The following CDH12 variants were observed in gnomAD, a reference collection of about 807,000 sequenced individuals.
CDH12 encodes cadherin-12.
CDH12 carries 41 observed loss-of-function variants against 74.1 expected under a neutral mutation model. That is an observed-to-expected ratio of 0.55 (90% CI 0.43 to 0.72). The LOEUF is 0.72. Among genes scored for constraint, CDH12 ranks in the 30% least tolerant of loss-of-function variants. The probability of loss-of-function intolerance (pLI) is 0.00; values close to 1 mark genes in which losing one functional copy is unlikely to be tolerated. For missense variants in CDH12, 945 were observed against 977.2 expected, an observed-to-expected ratio of 0.97 and a Z score of 0.44; for synonymous variants, 399 against 355.0, an observed-to-expected ratio of 1.12 and a Z score of -1.39.
At chr5:22,471,757 T>A (rs952436901) in intron 2 of CDH12, among the ~76,000 whole-genome samples, 8 of 152,210 alleles carry the variant, frequency 5.3e-5, no homozygotes, top group African/African-American at 1.9e-4. Flanking sequence ...CACAAATCAG[T>A]GACTCCTATT....
At chr5:21,829,281 A>G (rs1473570039) in intron 8 of CDH12, among the ~76,000 whole-genome samples, 1 of 152,104 alleles carries the variant, frequency 6.6e-6, no homozygotes, top group East Asian at 1.9e-4. Flanking sequence ...AGCCTGGGTG[A>G]GAGAGAGAGA....
intron 8 of CDH12, among the ~76,000 whole-genome samples, chr5:21,832,549 A>G (rs1007723266): frequency 1.3e-5 from 2 of 151,528 alleles, no homozygotes; most frequent in East Asian, 3.9e-4. Context: ...AACAAGATAT[A>G]CCACTATATA....
rs141831561 is a variant in CDH12, at chr5:22,634,925, C to G, written c.-522-129561G>C. ...TTGTTATTGTTAAGATGACAATACT[C>G]CCCAAATTGAACCACATATTTAACA... On this transcript the variant is annotated intron_variant, in intron 1 of 14. Coordinates refer to ENST00000382254, the MANE Select transcript of CDH12 (RefSeq NM_004061.5). 3.6e-3 allele frequency among the ~76,000 whole-genome samples: 548 copies of G among 151,782 alleles called. 1 individual carries two copies. Among genetic ancestry groups the G allele is most frequent in the African/African-American group, 0.01 (421 of 41,408 alleles).
intron 1 of CDH12, among the ~76,000 whole-genome samples, chr5:22,827,827 G>A (rs376500597): frequency 6.6e-6 from 1 of 152,174 alleles, no homozygotes; most frequent in African/African-American, 2.4e-5. Context: ...GGAATGAAGG[G>A]ATGGAAACTG....
chr5:22,829,622 A>G (rs1736492589), intron 1 of CDH12, among the ~76,000 whole-genome samples: 1 of 152,210 alleles, frequency 6.6e-6, no homozygotes, highest in Admixed American at 6.5e-5. Context: ...CTTGAAGAGA[A>G]CAGACATGTG....
At chr5:22,429,999 C>T (rs1457094242) in intron 2 of CDH12, among the ~76,000 whole-genome samples, 1 of 152,086 alleles carries the variant, frequency 6.6e-6, no homozygotes, top group Non-Finnish European at 1.5e-5. Context: ...ATAATTATCC[C>T]AGGGTAATCT....
At chr5:22,081,837 A>T (rs529466989) in intron 4 of CDH12, among the ~76,000 whole-genome samples, 1 of 152,304 alleles carries the variant, frequency 6.6e-6, no homozygotes, top group South Asian at 2.1e-4. Context: ...GTTTCCATCC[A>T]CTCACATCAC....
intron 1 of CDH12, among the ~76,000 whole-genome samples, chr5:22,822,029 CAG>C (rs1749728717): frequency 6.6e-6 from 1 of 152,154 alleles, no homozygotes; most frequent in Non-Finnish European, 1.5e-5. Context: ...GGTACCAAAA[CAG>C]AGATATAGAT....
chr5:22,484,361 C>T (rs1047497807), intron 2 of CDH12, among the ~76,000 whole-genome samples: 1 of 152,126 alleles, frequency 6.6e-6, no homozygotes, highest in Non-Finnish European at 1.5e-5. Context: ...TGAGGGGAAG[C>T]AAAGTGGAGA....
At chr5:22,688,456 T>G (rs975159341) in intron 1 of CDH12, among the ~76,000 whole-genome samples, 1 of 152,334 alleles carries the variant, frequency 6.6e-6, no homozygotes, top group African/African-American at 2.4e-5. Context: ...AGCTAGAAAT[T>G]TCTCGCTTCC....
At chr5:21,884,017 C>T in intron 6 of CDH12, 1 of 1,486,228 alleles carries the variant, frequency 6.7e-7, no homozygotes, top group South Asian at 1.1e-5. Context: ...AAAATTCCAG[C>T]AATGACCACT....
At chr5:22,595,883 C>T (rs964053357) in intron 1 of CDH12, among the ~76,000 whole-genome samples, 1 of 151,886 alleles carries the variant, frequency 6.6e-6, no homozygotes, top group African/African-American at 2.4e-5. Flanking sequence ...CGAGACCATC[C>T]TGGCTAACAC....
intron 3 of CDH12, among the ~76,000 whole-genome samples, chr5:22,218,029 T>G: frequency 6.6e-6 from 1 of 151,748 alleles, no homozygotes; most frequent in East Asian, 1.9e-4. Flanking sequence ...TTTAACAAGT[T>G]ATTTCTACCA....
intron 3 of CDH12, among the ~76,000 whole-genome samples, chr5:22,244,446 G>T (rs1336705314): frequency 1.4e-5 from 2 of 140,378 alleles, no homozygotes; most frequent in African/African-American, 5.4e-5. Flanking sequence ...AGTGAGCCAG[G>T]ATTGCACCAC....
At chr5:22,691,751 G>A (rs1400210862) in intron 1 of CDH12, among the ~76,000 whole-genome samples, 10 of 152,030 alleles carry the variant, frequency 6.6e-5, no homozygotes, top group Admixed American at 6.6e-5. Context: ...GTGCCATTTG[G>A]CTTACCCTAT....
At chr5:22,080,417 AT>A (rs1175298312) in intron 4 of CDH12, among the ~76,000 whole-genome samples, 17 of 152,334 alleles carry the variant, frequency 1.1e-4, no homozygotes, top group African/African-American at 1.2e-4. Flanking sequence ...CCTAAAAAAA[AT>A]AAAATAAAAC....
chr5:22,084,945 T>C (rs894406117), intron 4 of CDH12, among the ~76,000 whole-genome samples: 4 of 152,304 alleles, frequency 2.6e-5, no homozygotes, highest in South Asian at 2.1e-4. Flanking sequence ...AAGCTTATTC[T>C]GGGAGGTCAG....
intron 5 of CDH12, among the ~76,000 whole-genome samples, chr5:22,030,854 G>A (rs1738768895): frequency 6.6e-6 from 1 of 152,164 alleles, no homozygotes; most frequent in South Asian, 2.1e-4. Flanking sequence ...ATAACTTGCT[G>A]CAGTTGTAGA....
intron 5 of CDH12, among the ~76,000 whole-genome samples, chr5:22,018,704 A>G (rs1298245651): frequency 6.6e-6 from 1 of 152,222 alleles, no homozygotes; most frequent in African/African-American, 2.4e-5. Context: ...GTGTTGTGCT[A>G]GAAATCAATG....
Sources: gnomAD v4.1 joint callset for allele counts (sites outside exome capture counted in the v4.1 genomes callset) on GRCh38, gnomAD v4.1.1 for gene constraint, MANE v1.5 for transcripts, NCBI Gene and HGNC (gene_info 2026-07-23, HGNC 2026-07-21) for gene names.